The following DOCK8 variants were observed in gnomAD, a reference collection of about 807,000 sequenced individuals.
DOCK8 encodes the protein dedicator of cytokinesis protein 8.
DOCK8 carries 141 observed loss-of-function variants against 245.6 expected under a neutral mutation model. That is an observed-to-expected ratio of 0.57 (90% CI 0.50 to 0.66). The LOEUF (loss-of-function observed/expected upper bound fraction) is 0.66, where lower values mean the gene tolerates loss of function less well. Ranked by LOEUF, DOCK8 falls within the 30% of genes least tolerant of loss-of-function variation. DOCK8 has a pLI of 0.00. For missense variants in DOCK8, 2,965 were observed against 2,603.4 expected (o/e 1.14, Z -3.02); for synonymous variants, 1,168 against 970.2 (o/e 1.20, Z -3.79).
At chr9:434,248 G>C (rs1054869307) in intron 38 of DOCK8, among the ~76,000 whole-genome samples, 7 of 152,068 alleles carry the variant, frequency 4.6e-5, no homozygotes, top group Non-Finnish European at 1.0e-4. Flanking sequence ...CACAGAATCA[G>C]AGAAAGAATA....
chr9:405,209 A>G (rs1034622377), intron 27 of DOCK8, 136 bp downstream of exon 27: 6 of 903,992 alleles, frequency 6.6e-6, no homozygotes, highest in African/African-American at 1.7e-5. Flanking sequence ...CAGATCAAGT[A>G]TGCTACCCTG....
chr9:335,985 TAAG>T (rs1003805319), intron 11 of DOCK8, among the ~76,000 whole-genome samples: 1 of 152,150 alleles, frequency 6.6e-6, no homozygotes, highest in African/African-American at 2.4e-5. Flanking sequence ...CAAAAGGGGA[TAAG>T]AAACAACTGG....
intron 6 of DOCK8, 28 bp downstream of exon 6, chr9:312,194 A>C: frequency 6.2e-7 from 1 of 1,610,736 alleles, no homozygotes; most frequent in Non-Finnish European, 8.5e-7. Context: ...CATACTGGAG[A>C]ATCTCAGTGA....
chr9:334,664 G>A (rs762425695), intron 11 of DOCK8, among the ~76,000 whole-genome samples: 50 of 152,092 alleles, frequency 3.3e-4, no homozygotes, highest in Non-Finnish European at 4.9e-4. Context: ...CTAGCCACCC[G>A]CTCTCAAAAG....
chr9:270,010 A>C (rs903346257), intron 1 of DOCK8, among the ~76,000 whole-genome samples: 3 of 152,160 alleles, frequency 2.0e-5, no homozygotes, highest in Admixed American at 2.0e-4. Context: ...TGCGTGCTCC[A>C]GTTTCTCCAC....
At chr9:286,413 C>G (rs1346312970) in intron 2 of DOCK8, 48 bp from the exon 3 acceptor site, 1 of 1,597,888 alleles carries the variant, frequency 6.3e-7, no homozygotes, top group Non-Finnish European at 8.5e-7. Flanking sequence ...TGTGCTTTTA[C>G]CAGAAAACTG....
chr9:398,263 A>G (rs2054556616), intron 25 of DOCK8, among the ~76,000 whole-genome samples: 1 of 152,214 alleles, frequency 6.6e-6, no homozygotes. Flanking sequence ...AGGAGTGGCC[A>G]TGTGGAGAAT....
intron 39 of DOCK8, among the ~76,000 whole-genome samples, chr9:437,657 TGC>T (rs1447288872): frequency 0.019 from 2,830 of 152,332 alleles, 80 homozygotes; most frequent in African/African-American, 0.064. Context: ...AACCTTGTTC[TGC>T]TCCAATGAAA....
intron 7 of DOCK8, among the ~76,000 whole-genome samples, chr9:323,155 T>C (rs1381063350): frequency 1.4e-5 from 2 of 143,672 alleles, no homozygotes; most frequent in Non-Finnish European, 3.0e-5. Flanking sequence ...GAAAGAATAA[T>C]CATAGAAATC....
chr9:234,188 T>C (rs2047192013), intron 1 of DOCK8, among the ~76,000 whole-genome samples: 1 of 152,214 alleles, frequency 6.6e-6, no homozygotes, highest in South Asian at 2.1e-4. Context: ...AATTCTGCAT[T>C]GAAAATTCTT....
chr9:369,355 T>G (rs112857911), intron 15 of DOCK8: 5 of 152,412 alleles, frequency 3.3e-5, no homozygotes, highest in African/African-American at 1.2e-4. Context: ...GACTGTGGGC[T>G]AAAGTCCAGT....
chr9:340,581 A>G (rs569033890), intron 14 of DOCK8: 19 of 401,916 alleles, frequency 4.7e-5, no homozygotes, highest in African/African-American at 3.9e-4. Flanking sequence ...AGATTGCACT[A>G]CTGCACTCCA....
intron 1 of DOCK8, among the ~76,000 whole-genome samples, chr9:240,377 A>C (rs897647306): frequency 3.3e-5 from 5 of 150,986 alleles, no homozygotes; most frequent in Non-Finnish European, 7.4e-5. Context: ...CCCTGTGGCC[A>C]CAGTTTTTTT....
At chr9:370,014 G>C (rs1189540313) in intron 15 of DOCK8, 2 of 594,256 alleles carry the variant, frequency 3.4e-6, no homozygotes. Flanking sequence ...TGTTGCCCAG[G>C]CTGGTCTCCA....
At chr9:300,430 T>G (rs540450975) in intron 4 of DOCK8, among the ~76,000 whole-genome samples, 1 of 152,144 alleles carries the variant, frequency 6.6e-6, no homozygotes, top group East Asian at 1.9e-4. Flanking sequence ...GTGTGTGACC[T>G]GGAGGTACTA....
intron 44 of DOCK8, 21 bp downstream of exon 44, chr9:446,627 G>A: frequency 1.9e-6 from 3 of 1,611,042 alleles, no homozygotes; most frequent in Non-Finnish European, 2.5e-6. Context: ...CAAGGGATTG[G>A]CCACCACTGG....
chr9:224,544 C>T (rs574074845), intron 1 of DOCK8, among the ~76,000 whole-genome samples: 1 of 152,252 alleles, frequency 6.6e-6, no homozygotes, highest in South Asian at 2.1e-4. Flanking sequence ...TCTGCTGCCA[C>T]GGGTAGAAAT....
At position 372,101 on chromosome 9, in the gene DOCK8, C is replaced by G. The variant is rs1047553324; in HGVS notation, c.2008-84C>G. 3 of 1,203,664 alleles carry G rather than the reference C, an allele frequency of 2.5e-6. No individual in the cohort carries two copies. The African/African-American group carries it at 4.5e-5, about 18-fold the overall frequency. The allele number at this position is 1,203,664 out of a possible 1,614,324, so 74.6% of individuals were successfully genotyped here. On this transcript the variant is annotated intron_variant, in intron 17 of 47. Coordinates refer to ENST00000432829, the MANE Select transcript of DOCK8 (RefSeq NM_203447.4). ...TCAATATCTACTCACTGTTTAGTTG[C>G]ATTTGATTATTGCGAGCTAGATAAA...
At chr9:261,850 T>C (rs938127154) in intron 1 of DOCK8, among the ~76,000 whole-genome samples, 7 of 152,192 alleles carry the variant, frequency 4.6e-5, no homozygotes, top group African/African-American at 1.7e-4. Flanking sequence ...AATGTCTCTC[T>C]CTTCGGTAAT....
Sources: allele counts gnomAD v4.1 joint callset (sites outside exome capture counted in the v4.1 genomes callset), GRCh38; gene constraint gnomAD v4.1.1; transcripts MANE v1.5; gene names NCBI Gene and HGNC (gene_info 2026-07-23, HGNC 2026-07-21).